The following CNDP1 variants were observed in gnomAD, a reference collection of about 807,000 sequenced individuals.
CNDP1 encodes the protein beta-Ala-His dipeptidase.
A neutral mutation model predicts 58.1 loss-of-function variants in CNDP1; 44 were observed. That is an observed-to-expected ratio of 0.76 (90% confidence interval 0.60 to 0.97). CNDP1 has a LOEUF of 0.97. Ranked by LOEUF, CNDP1 falls within the 50% of genes least tolerant of loss-of-function variation. CNDP1 has a pLI of 0.00. For synonymous variants in CNDP1, 254 were observed against 252.6 expected (o/e 1.01, Z -0.05); for missense variants, 616 against 655.1 (o/e 0.94, Z 0.65).
At chr18:74,575,081 A>AAACG (rs1981592861) in intron 7 of CNDP1, among the ~76,000 whole-genome samples, 1 of 150,910 alleles carries the variant, frequency 6.6e-6, no homozygotes, top group African/African-American at 2.4e-5. Context: ...GGAAGGAAAG[A>AAACG]AAGGAAGGAA....
rs1208219137 is a variant in CNDP1 at position 74,559,606 on chromosome 18, T to A, written c.303+134T>A. Reference sequence around the variant, plus strand: ...CCATAACCCCAATTCCCAATGAAGATGAAACATTCCCCTGGTCTCAAATGA... The same window carrying A: ...CCATAACCCCAATTCCCAATGAAGAAGAAACATTCCCCTGGTCTCAAATGA... On this transcript the variant is annotated intron_variant, in intron 3 of 11. Coordinates refer to ENST00000358821, the MANE Select transcript of CNDP1 (RefSeq NM_032649.6). 3.8e-6 allele frequency: 3 copies of A among 782,214 alleles called. No individual in the cohort carries two copies. In the East Asian group the frequency reaches 8.4e-5, roughly 22 times the overall value. The allele number at this position is 782,214 out of a possible 1,614,324, so 48.5% of individuals were successfully genotyped here.
intron 6 of CNDP1, among the ~76,000 whole-genome samples, chr18:74,570,888 T>TTCC (rs1201304210): frequency 1.3e-5 from 2 of 152,204 alleles, no homozygotes; most frequent in Non-Finnish European, 2.9e-5. Context: ...GACAGCTGTG[T>TTCC]AAACATCAAT....
chr18:74,536,140 T>G (rs1047181993), intron 1 of CNDP1, among the ~76,000 whole-genome samples: 2 of 152,160 alleles, frequency 1.3e-5, no homozygotes, highest in Admixed American at 6.5e-5. Context: ...TTCTTTTACT[T>G]TTTTTTAACT....
intron 1 of CNDP1, among the ~76,000 whole-genome samples, chr18:74,535,004 T>A (rs1004191635): frequency 2.6e-4 from 40 of 152,038 alleles, no homozygotes; most frequent in African/African-American, 9.7e-4. Context: ...TTTTTCTCTT[T>A]AAAAAAAATG....
intron 1 of CNDP1, among the ~76,000 whole-genome samples, chr18:74,538,403 G>A (rs1458324555): frequency 6.6e-6 from 1 of 152,200 alleles, no homozygotes; most frequent in Non-Finnish European, 1.5e-5. Flanking sequence ...TCCATTGTGT[G>A]AATATGCCAC....
chr18:74,572,247 G>T (rs1599099370), intron 7 of CNDP1, among the ~76,000 whole-genome samples: 1 of 152,050 alleles, frequency 6.6e-6, no homozygotes, highest in East Asian at 1.9e-4. Flanking sequence ...GTTTGCTCAG[G>T]CTCAATTCAC....
intron 9 of CNDP1, among the ~76,000 whole-genome samples, chr18:74,579,577 C>T (rs1256870680): frequency 1.3e-5 from 2 of 152,052 alleles, no homozygotes; most frequent in Non-Finnish European, 2.9e-5. Flanking sequence ...AATATGGCAC[C>T]TCCCCGGGAG....
chr18:74,541,017 G>T (rs1980607730), intron 1 of CNDP1, among the ~76,000 whole-genome samples: 1 of 152,222 alleles, frequency 6.6e-6, no homozygotes, highest in South Asian at 2.1e-4. Context: ...GACATTAAAT[G>T]CTAGTTCCAG....
At chr18:74,548,595 G>C (rs1406018161) in intron 1 of CNDP1, among the ~76,000 whole-genome samples, 1 of 152,194 alleles carries the variant, frequency 6.6e-6, no homozygotes, top group Admixed American at 6.5e-5. Flanking sequence ...ACTGAGGAGT[G>C]GGGCATCGCT....
chr18:74,540,520 G>T (rs574114627), intron 1 of CNDP1, among the ~76,000 whole-genome samples: 1 of 152,242 alleles, frequency 6.6e-6, no homozygotes, highest in African/African-American at 2.4e-5. Context: ...CCTCAGCCTG[G>T]CCCCCTGTAT....
intron 4 of CNDP1, chr18:74,561,730 C>T (rs572474915): frequency 2.5e-4 from 57 of 232,346 alleles, no homozygotes; most frequent in African/African-American, 9.8e-4. Context: ...AACAAATCCC[C>T]GGTGGGTCTC....
chr18:74,559,221 G>A, intron 2 of CNDP1, 102 bp from the exon 3 acceptor site: 3 of 1,195,706 alleles, frequency 2.5e-6, no homozygotes, highest in African/African-American at 1.5e-5. Flanking sequence ...TTGATCAACA[G>A]AAAAGTACCT....
intron 7 of CNDP1, among the ~76,000 whole-genome samples, chr18:74,574,998 AGGAAGGAAAGGAGG>A (rs1204275747): frequency 2.1e-5 from 3 of 143,436 alleles, no homozygotes; most frequent in East Asian, 2.4e-4. Flanking sequence ...AAAGGAAGAA[AGGAAGGAAAGGAGG>A]GGAAGGAAAG....
chr18:74,569,589 C>G (rs1257739799), intron 6 of CNDP1, among the ~76,000 whole-genome samples: 1 of 152,098 alleles, frequency 6.6e-6, no homozygotes. Flanking sequence ...CATCTCTGCC[C>G]TTAAATTAGC....
At chr18:74,558,244 G>A (rs371341048) in intron 2 of CNDP1, among the ~76,000 whole-genome samples, 1 of 152,132 alleles carries the variant, frequency 6.6e-6, no homozygotes, top group African/African-American at 2.4e-5. Context: ...AGCCACTCAG[G>A]TTCCAACACA....
intron 4 of CNDP1, 132 bp downstream of exon 4, chr18:74,561,150 C>A: frequency 1.8e-6 from 2 of 1,130,076 alleles, no homozygotes; most frequent in Non-Finnish European, 2.5e-6. Flanking sequence ...TGCGGTGGCT[C>A]ACGCTTGTAA....
chr18:74,543,387 A>G (rs56089928), intron 1 of CNDP1, among the ~76,000 whole-genome samples: 2,822 of 152,134 alleles, frequency 0.019, 52 homozygotes, highest in Non-Finnish European at 0.03. Flanking sequence ...CAGCTACTTA[A>G]GAGGCTGAGG....
intron 1 of CNDP1, among the ~76,000 whole-genome samples, chr18:74,538,689 C>T (rs1006361951): frequency 2.0e-5 from 3 of 152,180 alleles, no homozygotes; most frequent in Non-Finnish European, 2.9e-5. Context: ...TCCACATCCT[C>T]AAAACACTTG....
intron 5 of CNDP1, among the ~76,000 whole-genome samples, chr18:74,563,184 G>A (rs190028975): frequency 2.0e-5 from 3 of 152,278 alleles, no homozygotes; most frequent in African/African-American, 7.2e-5. Flanking sequence ...GGGGAGTTAA[G>A]TACTCTGACT....
Sources: allele counts gnomAD v4.1 joint callset (sites outside exome capture counted in the v4.1 genomes callset), GRCh38; gene constraint gnomAD v4.1.1; transcripts MANE v1.5; gene names NCBI Gene and HGNC (gene_info 2026-07-23, HGNC 2026-07-21).